Variants in XIRP2 observed in about 807,000 individuals in gnomAD.
XIRP2 encodes xin actin binding repeat containing 2, also known as xin actin-binding repeat-containing protein 2.
Under a neutral mutation model 277.0 loss-of-function variants are expected in XIRP2, and 236 were observed. The observed-to-expected ratio is 0.85, with a 90% CI of 0.77 to 0.95. The LOEUF (loss-of-function observed/expected upper bound fraction) is 0.95, where lower values mean the gene tolerates loss of function less well. Ranked by LOEUF, XIRP2 falls within the 40% of genes least tolerant of loss-of-function variation. XIRP2 has a pLI of 0.00. For synonymous variants in XIRP2, 1,490 were observed against 1,416.5 expected (o/e 1.05, Z -1.17); for missense variants, 4,640 against 4,157.5 (o/e 1.12, Z -3.19).
At chr2:167,222,412 G>C (rs961496939) in intron 5 of XIRP2, among the ~76,000 whole-genome samples, 2 of 152,156 alleles carry the variant, frequency 1.3e-5, no homozygotes, top group African/African-American at 4.8e-5. Flanking sequence ...ACCTTTATTA[G>C]GTTGCCTTTG....
At chr2:167,169,959 A>T (rs532993607) in intron 3 of XIRP2, among the ~76,000 whole-genome samples, 48 of 152,230 alleles carry the variant, frequency 3.2e-4, no homozygotes, top group African/African-American at 1.0e-3. Context: ...TACTAAGTGG[A>T]AGAGGTGAGA....
intron 2 of XIRP2, among the ~76,000 whole-genome samples, chr2:167,132,398 CAA>C (rs1427262738): frequency 1.3e-5 from 2 of 152,036 alleles, no homozygotes; most frequent in Non-Finnish European, 2.9e-5. Context: ...GCTCTAATAA[CAA>C]AGAATTATCT....
chr2:167,084,183 C>A (rs1300551824), intron 2 of XIRP2, among the ~76,000 whole-genome samples: 3 of 152,186 alleles, frequency 2.0e-5, no homozygotes, highest in African/African-American at 7.2e-5. Flanking sequence ...GCCTTTTCTG[C>A]ATCTATTGAG....
chr2:167,010,097 T>A (rs1479289792), intron 2 of XIRP2, among the ~76,000 whole-genome samples: 1 of 152,136 alleles, frequency 6.6e-6, no homozygotes, highest in South Asian at 2.1e-4. Flanking sequence ...ATTTTGTCTT[T>A]TGTTGCCATT....
intron 1 of XIRP2, among the ~76,000 whole-genome samples, chr2:166,893,726 A>G (rs1684169075): frequency 6.6e-6 from 1 of 152,170 alleles, no homozygotes; most frequent in Non-Finnish European, 1.5e-5. Flanking sequence ...TGCCATTGCC[A>G]GTCTTGCCAT....
At chr2:166,952,022 CAGG>C (rs1278662049) in intron 2 of XIRP2, among the ~76,000 whole-genome samples, 1 of 152,018 alleles carries the variant, frequency 6.6e-6, no homozygotes, top group Admixed American at 6.6e-5. Flanking sequence ...TCATCTATAA[CAGG>C]AGGATAATAA....
intron 2 of XIRP2, among the ~76,000 whole-genome samples, chr2:167,097,189 TG>T (rs1259008911): frequency 6.6e-6 from 1 of 152,168 alleles, no homozygotes; most frequent in Non-Finnish European, 1.5e-5. Flanking sequence ...TAAGTCTCTT[TG>T]TAGTCTCTAA....
intron 9 of XIRP2, 93 bp downstream of exon 9, chr2:167,252,040 A>C: frequency 6.7e-7 from 1 of 1,482,588 alleles, no homozygotes; most frequent in Non-Finnish European, 8.9e-7. Flanking sequence ...GAGTGCGTGG[A>C]AACAACCAAA....
chr2:167,136,142 G>A (rs1691545097), intron 3 of XIRP2, 80 bp downstream of exon 3: 2 of 1,334,262 alleles, frequency 1.5e-6, no homozygotes, highest in Non-Finnish European at 1.9e-6. Context: ...ATATATGAGG[G>A]GTTTGTTTAA....
chr2:167,206,111 T>C (rs1275861562), intron 3 of XIRP2, among the ~76,000 whole-genome samples: 1 of 152,194 alleles, frequency 6.6e-6, no homozygotes, highest in African/African-American at 2.4e-5. Flanking sequence ...ACAGACACTC[T>C]TCATGTATCT....
chr2:167,231,513 T>G (rs1369219619), intron 5 of XIRP2, among the ~76,000 whole-genome samples: 1 of 152,018 alleles, frequency 6.6e-6, no homozygotes, highest in Non-Finnish European at 1.5e-5. Context: ...TCCATTTGGT[T>G]AAGAAGATCT....
chr2:167,085,863 T>A (rs1310209894), intron 2 of XIRP2, among the ~76,000 whole-genome samples: 1 of 152,226 alleles, frequency 6.6e-6, no homozygotes, highest in Non-Finnish European at 1.5e-5. Context: ...GTTTCCTGAA[T>A]ACAGCACACT....
Position 167,247,252 on chromosome 2 carries a change from G to T in XIRP2, c.5860G>T (p.Ala1954Ser). The T allele has an allele frequency of 6.2e-7, 1 of 1,613,700 alleles. No individual in the cohort carries two copies. Among genetic ancestry groups the T allele is most frequent in the Non-Finnish European group, 8.5e-7 (1 of 1,179,854 alleles). Residue 1954 changes from alanine (A) to serine (S), a missense_variant, in exon 9 of 11, where the codon GCA (alanine) becomes TCA (serine). Coordinates refer to ENST00000409195, the MANE Select transcript of XIRP2 (RefSeq NM_152381.6). Reference protein sequence around the residue: ...VIKKDAKAVMAGSSGEQKTDI... With the variant: ...VIKKDAKAVMSGSSGEQKTDI... ...AAAAAAAGATGCTAAAGCTGTGATG[G>T]CAGGATCCTCGGGAGAGCAGAAAAC...
At chr2:167,132,590 C>G (rs1691413744) in intron 2 of XIRP2, among the ~76,000 whole-genome samples, 1 of 151,290 alleles carries the variant, frequency 6.6e-6, no homozygotes, top group Admixed American at 6.6e-5. Context: ...TAAGACAAAG[C>G]AAATATGGTG....
Position 167,007,703 on chromosome 2 carries a change from T to TCACACACACACA in XIRP2, c.408+103838_408+103849dup, listed in dbSNP as rs57336666. Among the ~76,000 whole-genome samples, 3 of 130,068 alleles carry TCACACACACACA rather than the reference T, an allele frequency of 2.3e-5. No individual in the cohort carries two copies. The Admixed American group carries it at 2.3e-4, about 10-fold the overall frequency. The allele number at this position is 130,068 out of a possible 152,430, so 85.3% of individuals were successfully genotyped here. Reference sequence around the variant, plus strand: ...CACTCTCTCTCTCTCTCTCTCTCTCTCACACACACACACACACACACACAC... The same window carrying TCACACACACACA: ...CACTCTCTCTCTCTCTCTCTCTCTCTCACACACACACACACACACACACACACACACACACAC... On this transcript the variant is annotated intron_variant, in intron 2 of 10. Coordinates refer to ENST00000409195, the MANE Select transcript of XIRP2 (RefSeq NM_152381.6).
intron 2 of XIRP2, among the ~76,000 whole-genome samples, chr2:166,911,437 C>A (rs955406934): frequency 6.6e-6 from 1 of 152,086 alleles, no homozygotes; most frequent in African/African-American, 2.4e-5. Context: ...GCAACCCCTG[C>A]CTTTTTTTGT....
rs1367552436 is a variant in XIRP2 at position 167,251,754 on chromosome 2, C to T, written c.10362C>T (p.Ala3454=). ...AGKSGCDFKH[A]PPTYEDVIAG... ...AATCTGGCTGTGACTTCAAGCATGCCCCACCAACCTATGAGGATGTCATTG... is the reference window on the plus strand; with the variant it reads ...AATCTGGCTGTGACTTCAAGCATGCTCCACCAACCTATGAGGATGTCATTG... Residue 3454 remains alanine (A), a synonymous_variant, in exon 9 of 11, where the codon GCC becomes GCT. Transcript: ENST00000409195. 6 of 1,613,170 alleles carry T rather than the reference C, an allele frequency of 3.7e-6. No individual in the cohort carries two copies. Among genetic ancestry groups the T allele is most frequent in the Non-Finnish European group, 5.1e-6 (6 of 1,179,586 alleles).
chr2:166,891,582 G>T, intron 1 of XIRP2, among the ~76,000 whole-genome samples: 1 of 151,948 alleles, frequency 6.6e-6, no homozygotes, highest in East Asian at 1.9e-4. Flanking sequence ...TAGATATTGA[G>T]CAACTATCTG....
chr2:167,195,048 G>A (rs547446718), intron 3 of XIRP2, among the ~76,000 whole-genome samples: 3 of 152,142 alleles, frequency 2.0e-5, no homozygotes, highest in Non-Finnish European at 2.9e-5. Flanking sequence ...ACTAAAAACC[G>A]TTTAAGAGAG....
Sources: allele counts gnomAD v4.1 joint callset (sites outside exome capture counted in the v4.1 genomes callset), GRCh38; gene constraint gnomAD v4.1.1; transcripts MANE v1.5; gene names NCBI Gene and HGNC (gene_info 2026-07-23, HGNC 2026-07-21).